Variants in SPATA17 observed in about 807,000 individuals in gnomAD.
The protein encoded by SPATA17 is spermatogenesis-associated protein 17.
A neutral mutation model predicts 62.2 loss-of-function variants in SPATA17; 53 were observed. That is an observed-to-expected ratio of 0.85 (90% CI 0.68 to 1.07). The LOEUF (loss-of-function observed/expected upper bound fraction) is 1.07, where lower values mean the gene tolerates loss of function less well. SPATA17 is among the 50% of genes least tolerant of loss of function. The pLI is 0.00. For missense variants in SPATA17, 466 were observed against 425.5 expected, an observed-to-expected ratio of 1.10 and a Z score of -0.84; for synonymous variants, 146 against 146.8, an observed-to-expected ratio of 0.99 and a Z score of 0.04.
intron 8 of SPATA17, among the ~76,000 whole-genome samples, chr1:217,784,682 A>G (rs75053249): frequency 0.023 from 3,525 of 152,276 alleles, 45 homozygotes; most frequent in Non-Finnish European, 0.035. Context: ...AGAATTATTA[A>G]CATGCTTTGT....
chr1:217,703,332 C>T (rs1413276269), intron 5 of SPATA17, among the ~76,000 whole-genome samples: 1 of 151,878 alleles, frequency 6.6e-6, no homozygotes, highest in Non-Finnish European at 1.5e-5. Flanking sequence ...CCACCATGCC[C>T]GGCTAGCTTT....
intron 9 of SPATA17, among the ~76,000 whole-genome samples, chr1:217,828,473 C>T (rs564325456): frequency 4.4e-4 from 66 of 150,642 alleles, no homozygotes; most frequent in African/African-American, 1.4e-3. Context: ...TATACAAATC[C>T]TAGAAGAGGA....
intron 1 of SPATA17, among the ~76,000 whole-genome samples, chr1:217,632,763 TACTA>T (rs1669838307): frequency 6.6e-6 from 1 of 152,212 alleles, no homozygotes; most frequent in Non-Finnish European, 1.5e-5. Flanking sequence ...TAAGTAAACA[TACTA>T]ACAATAGCTA....
At position 217,774,550 on chromosome 1, in the gene SPATA17, T is replaced by C. The variant is rs746934162; in HGVS notation, c.723+13T>C. The stretch of plus-strand genomic sequence containing the variant: ...AAAGCAATGTCAGGTACTAGTTTGC[T>C]GTATAAGAATTCTGTCATTAATTTT... On this transcript the variant is annotated intron_variant, in intron 7 of 10. Coordinates refer to ENST00000366933, the MANE Select transcript of SPATA17 (RefSeq NM_138796.4). The C allele has an allele frequency of 2.5e-6, 4 of 1,605,788 alleles. No individual in the cohort carries two copies. Among genetic ancestry groups the C allele is most frequent in the Non-Finnish European group, 3.4e-6 (4 of 1,174,214 alleles).
At chr1:217,781,299 A>AT (rs1375612499) in intron 7 of SPATA17, 2 of 152,224 alleles carry the variant, frequency 1.3e-5, no homozygotes, top group African/African-American at 2.4e-5. Context: ...TAAAGAAGAT[A>AT]TTTTTAAGAA....
At chr1:217,841,804 T>G (rs1264621964) in intron 9 of SPATA17, among the ~76,000 whole-genome samples, 2 of 149,528 alleles carry the variant, frequency 1.3e-5, no homozygotes, top group African/African-American at 4.9e-5. Context: ...TTCCTACATA[T>G]TAAATTAAAT....
At chr1:217,828,676 GA>G (rs1037348660) in intron 9 of SPATA17, among the ~76,000 whole-genome samples, 2 of 151,650 alleles carry the variant, frequency 1.3e-5, no homozygotes, top group Non-Finnish European at 2.9e-5. Context: ...ACAAACTGGG[GA>G]AAAAAATTGC....
intron 5 of SPATA17, among the ~76,000 whole-genome samples, chr1:217,730,552 CA>C (rs761923104): frequency 6.6e-6 from 1 of 151,704 alleles, no homozygotes; most frequent in Non-Finnish European, 1.5e-5. Flanking sequence ...TTTTCAAATA[CA>C]AAAAAGCAGT....
chr1:217,742,993 A>G lies in SPATA17; in HGVS notation c.519+895A>G, dbSNP rs147831875. Among the ~76,000 whole-genome samples the G allele has an allele frequency of 6.4e-3, 974 of 151,350 alleles. 12 individuals carry two copies. The highest frequency in any genetic ancestry group is 7.8e-3 in the Non-Finnish European group (531 of 67,770). ...ATTAAATCCTGGGCTGGCCGTCTAC[A>G]TTTGGAGTGTAGATCTCCCGCATCT... is the stretch of plus-strand genomic sequence containing the variant. On this transcript the variant is annotated intron_variant, in intron 6 of 10. Coordinates refer to ENST00000366933, the MANE Select transcript of SPATA17 (RefSeq NM_138796.4).
chr1:217,658,738 A>T (rs1431105964), intron 3 of SPATA17, among the ~76,000 whole-genome samples: 2 of 152,150 alleles, frequency 1.3e-5, no homozygotes, highest in Admixed American at 1.3e-4. Flanking sequence ...AGCCTGGGCG[A>T]CAGAGCGAGA....
intron 6 of SPATA17, among the ~76,000 whole-genome samples, chr1:217,762,832 C>T (rs1313094358): frequency 4.6e-5 from 7 of 152,084 alleles, no homozygotes; most frequent in African/African-American, 1.7e-4. Context: ...ATTAGCTGGG[C>T]GTGGTGGTGT....
At chr1:217,790,597 T>C (rs892604355) in intron 8 of SPATA17, among the ~76,000 whole-genome samples, 11 of 152,028 alleles carry the variant, frequency 7.2e-5, no homozygotes, top group Non-Finnish European at 1.5e-4. Context: ...TCCGCCACCG[T>C]GCCCGGCTAA....
chr1:217,681,619 G>A (rs930469007), intron 4 of SPATA17, among the ~76,000 whole-genome samples: 4 of 151,940 alleles, frequency 2.6e-5, no homozygotes, highest in Non-Finnish European at 5.9e-5. Flanking sequence ...GGCTGGTCTC[G>A]AACTCCAGAC....
intron 9 of SPATA17, among the ~76,000 whole-genome samples, chr1:217,849,915 A>G (rs937163447): frequency 6.6e-6 from 1 of 152,166 alleles, no homozygotes; most frequent in African/African-American, 2.4e-5. Context: ...ATGGGATGTC[A>G]CTGGTGTCCC....
intron 8 of SPATA17, among the ~76,000 whole-genome samples, chr1:217,787,832 T>C (rs982346373): frequency 1.3e-5 from 2 of 152,314 alleles, no homozygotes; most frequent in East Asian, 3.9e-4. Context: ...CAATTATATG[T>C]ATATTTATTA....
intron 4 of SPATA17, among the ~76,000 whole-genome samples, chr1:217,680,704 C>G (rs1239059994): frequency 3.3e-5 from 5 of 151,408 alleles, no homozygotes; most frequent in African/African-American, 1.2e-4. Flanking sequence ...GCGGGAGGAT[C>G]ATTTAAGGTT....
rs180843507 is a variant in SPATA17 at position 217,687,103 on chromosome 1, C to T, written c.395+3742C>T. Among the ~76,000 whole-genome samples, 584 of 152,280 alleles carry T rather than the reference C, an allele frequency of 3.8e-3. 14 individuals carry two copies. Among genetic ancestry groups the T allele is most frequent in the Admixed American group, 0.034 (527 of 15,300 alleles). On this transcript the variant is annotated intron_variant, in intron 5 of 10. Coordinates refer to ENST00000366933, the MANE Select transcript of SPATA17 (RefSeq NM_138796.4). ...ATTGTAAACATTGTGTTATTTAATA[C>T]TACTACTAGTTAATATGGAGTTTCT...
chr1:217,806,857 T>G (rs1350153891), intron 9 of SPATA17, among the ~76,000 whole-genome samples: 2 of 152,156 alleles, frequency 1.3e-5, no homozygotes, highest in Admixed American at 6.5e-5. Context: ...TAGGCTTCAA[T>G]GTGACCACAT....
chr1:217,797,740 G>A (rs573963107), intron 8 of SPATA17, among the ~76,000 whole-genome samples: 1 of 152,010 alleles, frequency 6.6e-6, no homozygotes, highest in African/African-American at 2.4e-5. Flanking sequence ...TTAAACGTAG[G>A]TGTCTTTGCT....
Sources: allele counts gnomAD v4.1 joint callset (sites outside exome capture counted in the v4.1 genomes callset), GRCh38; gene constraint gnomAD v4.1.1; transcripts MANE v1.5; gene names NCBI Gene and HGNC (gene_info 2026-07-23, HGNC 2026-07-21).